MYO9A: variants seen among roughly 807,000 people sequenced by gnomAD.
MYO9A encodes the protein unconventional myosin-IXa.
In MYO9A, 103 loss-of-function variants were observed where a neutral mutation model predicts 293.3. The ratio of observed to expected loss-of-function variants is 0.35; its 90% CI spans 0.30 to 0.41. The LOEUF (loss-of-function observed/expected upper bound fraction) is 0.41, where lower values mean the gene tolerates loss of function less well. Ranked by LOEUF, MYO9A falls within the 10% of genes least tolerant of loss-of-function variation. MYO9A has a pLI of 1.00. For missense variants in MYO9A, 2,685 were observed against 3,033.0 expected, an observed-to-expected ratio of 0.89 and a Z score of 2.69; for synonymous variants, 1,001 against 1,035.7, an observed-to-expected ratio of 0.97 and a Z score of 0.64.
intron 18 of MYO9A, among the ~76,000 whole-genome samples, chr15:71,917,530 G>A (rs1392106754): frequency 6.6e-6 from 1 of 152,070 alleles, no homozygotes; most frequent in Non-Finnish European, 1.5e-5. Context: ...GAGAGACTCT[G>A]TCAAAAACAA....
At chr15:71,874,550 TTC>T (rs1452483179) in intron 32 of MYO9A, among the ~76,000 whole-genome samples, 3 of 152,192 alleles carry the variant, frequency 2.0e-5, no homozygotes, top group African/African-American at 7.2e-5. Context: ...CACTAAACAG[TTC>T]TGAGTAGAGA....
At chr15:72,032,959 T>C (rs1358604942) in intron 2 of MYO9A, among the ~76,000 whole-genome samples, 1 of 152,160 alleles carries the variant, frequency 6.6e-6, no homozygotes, top group Non-Finnish European at 1.5e-5. Flanking sequence ...CAAGCAATTC[T>C]CCTGCCTCAG....
At chr15:72,091,937 C>T (rs2079927090) in intron 1 of MYO9A, among the ~76,000 whole-genome samples, 2 of 152,078 alleles carry the variant, frequency 1.3e-5, no homozygotes, top group South Asian at 2.1e-4. Context: ...ACGATGATCT[C>T]GATCTCCTGA....
Position 71,951,770 on chromosome 15 carries a change from G to A in MYO9A, c.2302+7C>T. On this transcript the variant is annotated splice_region_variant and intron_variant, in intron 15 of 41. Transcript: ENST00000356056. ...TGATAACAGTTTATCAGGATTTGTA[G>A]CCTTACTGTACTTCTCTTCCTTGCA... is the stretch of plus-strand genomic sequence containing the variant. 6.2e-7 allele frequency: 1 copy of A among 1,613,604 alleles called. No homozygotes were observed. The highest frequency in any genetic ancestry group is 8.5e-7 in the Non-Finnish European group (1 of 1,179,818).
At chr15:71,924,298 G>T (rs868526965) in intron 18 of MYO9A, among the ~76,000 whole-genome samples, 2 of 152,046 alleles carry the variant, frequency 1.3e-5, no homozygotes, top group Non-Finnish European at 2.9e-5. Flanking sequence ...TTGGAGCCCA[G>T]TGGCGTGATC....
At chr15:71,991,702 T>C (rs2076546464) in intron 10 of MYO9A, among the ~76,000 whole-genome samples, 1 of 152,262 alleles carries the variant, frequency 6.6e-6, no homozygotes, top group South Asian at 2.1e-4. Context: ...ACCAAACTAG[T>C]ATATTTTATC....
chr15:71,869,625 T>C (rs2056445707), intron 32 of MYO9A, among the ~76,000 whole-genome samples: 1 of 152,198 alleles, frequency 6.6e-6, no homozygotes, highest in African/African-American at 2.4e-5. Context: ...CTTGCAACTT[T>C]TCTATAACAC....
chr15:71,860,579 T>C (rs1244557357), intron 33 of MYO9A, among the ~76,000 whole-genome samples: 4 of 135,448 alleles, frequency 3.0e-5, no homozygotes. Flanking sequence ...ACTTGTAGGC[T>C]TTTGAAGGCC....
At chr15:71,966,401 G>C (rs1596297710) in intron 13 of MYO9A, among the ~76,000 whole-genome samples, 1 of 151,828 alleles carries the variant, frequency 6.6e-6, no homozygotes, top group Admixed American at 6.6e-5. Flanking sequence ...GGCTGGGAAG[G>C]GGTATAAAAG....
chr15:71,873,756 G>C (rs1359686800), intron 32 of MYO9A, among the ~76,000 whole-genome samples: 1 of 152,114 alleles, frequency 6.6e-6, no homozygotes, highest in Non-Finnish European at 1.5e-5. Flanking sequence ...TAATAAAATA[G>C]TTGTTGAATA....
chr15:72,068,950 G>C (rs949921136), intron 1 of MYO9A, among the ~76,000 whole-genome samples: 3 of 152,112 alleles, frequency 2.0e-5, no homozygotes, highest in African/African-American at 7.2e-5. Context: ...TTATTTTACA[G>C]ATCAAGAAAC....
chr15:72,091,726 T>C (rs1274531128), intron 1 of MYO9A, among the ~76,000 whole-genome samples: 1 of 151,756 alleles, frequency 6.6e-6, no homozygotes, highest in East Asian at 1.9e-4. Flanking sequence ...TCTTTTTTTT[T>C]TTTTTGAGAC....
rs1238884040 is a variant in MYO9A at position 71,851,290 on chromosome 15, G to A, written c.6544C>T (p.Leu2182Phe). Residue 2182 changes from leucine to phenylalanine, a missense_variant, in exon 37 of 42, where the codon CTC (leucine) becomes TTC (phenylalanine). Transcript: ENST00000356056. ...SVIDQLSRTH[L>F]NTLERLIFHL... ...AAGATGAGGCGTTCCAGTGTATTGA[G>A]ATGAGTTCGGGAGAGTTGATCAATC... The A allele has an allele frequency of 6.2e-7, 1 of 1,614,046 alleles. No individual in the cohort carries two copies. Among genetic ancestry groups the A allele is most frequent in the Admixed American group, 1.7e-5 (1 of 60,016 alleles).
chr15:71,994,389 T>C (rs2076636147), intron 10 of MYO9A, 80 bp downstream of exon 10: 1 of 815,900 alleles, frequency 1.2e-6, no homozygotes, highest in Non-Finnish European at 1.9e-6. Context: ...TATAATTCTG[T>C]GTTTTTAAAT....
chr15:72,046,003 G>A lies in MYO9A; in HGVS notation c.561C>T (p.Asn187=), dbSNP rs747588670. 1.2e-6 allele frequency: 2 copies of A among 1,614,020 alleles called. No homozygotes were observed. Among genetic ancestry groups the A allele is most frequent in the Non-Finnish European group, 1.7e-6 (2 of 1,179,958 alleles). ...TATAAATAGGAAGAAACTTGAATGG[G>A]TTAATAACTATTAGAATACTGCCAA... ...TYVGSILIVI[N]PFKFLPIYNP... is the part of the protein sequence containing the mutation. The change falls in exon 2 of 42, where the codon AAC becomes AAT. Residue 187 remains asparagine, a synonymous_variant. Transcript: ENST00000356056.
chr15:72,101,975 C>G (rs1349288026), intron 1 of MYO9A, among the ~76,000 whole-genome samples: 1 of 151,900 alleles, frequency 6.6e-6, no homozygotes, highest in Non-Finnish European at 1.5e-5. Context: ...GCCACCACCC[C>G]GTCTGGGAGG....
chr15:71,856,377 TTAAC>T (rs766785977), intron 34 of MYO9A, among the ~76,000 whole-genome samples: 9 of 151,544 alleles, frequency 5.9e-5, no homozygotes, highest in Non-Finnish European at 1.2e-4. Flanking sequence ...TATAAATAGA[TTAAC>T]TATTATGGAA....
rs1163135299 is a variant in MYO9A, at chr15:71,903,043, A to G, written c.2898T>C (p.His966=). The G allele has an allele frequency of 6.3e-7, 1 of 1,594,070 alleles. No individual in the cohort carries two copies. The change falls in exon 22 of 42, where the codon CAT becomes CAC. Residue 966 remains histidine (H), a synonymous_variant. Transcript: ENST00000356056. The part of the protein sequence containing the change: ...YSFQDFVSHF[H]VLLPRNIIPS... The stretch of plus-strand genomic sequence containing the variant: ...GAATAATATTTCGGGGAAGAAGTAC[A>G]TGGAAGTGGCTCACAAAATCCTGAA...
intron 23 of MYO9A, among the ~76,000 whole-genome samples, chr15:71,900,617 T>C (rs1271688079): frequency 6.6e-6 from 1 of 152,186 alleles, no homozygotes; most frequent in Non-Finnish European, 1.5e-5. Context: ...TTCATGTCCT[T>C]CAAATTATTA....
Sources: gnomAD v4.1 joint callset for allele counts (sites outside exome capture counted in the v4.1 genomes callset) on GRCh38, gnomAD v4.1.1 for gene constraint, MANE v1.5 for transcripts, NCBI Gene and HGNC (gene_info 2026-07-23, HGNC 2026-07-21) for gene names.